NXPE2: variants seen among roughly 807,000 people sequenced by gnomAD.
The protein encoded by NXPE2 is NXPE family member 2.
NXPE2 carries 34 observed loss-of-function variants against 34.4 expected under a neutral mutation model. The ratio of observed to expected loss-of-function variants is 0.99; its 90% confidence interval spans 0.75 to 1.31. NXPE2 has a LOEUF of 1.31. Ranked by LOEUF, NXPE2 falls within the 40% of genes most tolerant of loss-of-function variation. The probability of loss-of-function intolerance (pLI) is 0.00; values close to 1 mark genes in which losing one functional copy is unlikely to be tolerated. For missense variants in NXPE2, 649 were observed against 672.5 expected, an observed-to-expected ratio of 0.97 and a Z score of 0.39; for synonymous variants, 235 against 231.3, an observed-to-expected ratio of 1.02 and a Z score of -0.15.
the NXPE2 span, among the ~76,000 whole-genome samples, chr11:114,790,455 GCT>G: frequency 3.3e-5 from 5 of 152,206 alleles, no homozygotes; most frequent in Non-Finnish European, 5.9e-5. Context: ...TACACACCTT[GCT>G]GAAGATTACA....
the NXPE2 span, among the ~76,000 whole-genome samples, chr11:114,490,680 A>C: frequency 2.0e-5 from 3 of 152,212 alleles, no homozygotes; most frequent in African/African-American, 7.2e-5. Context: ...TGCCTTCCTT[A>C]CACCTTATAC....
chr11:114,657,373 A>G, the NXPE2 span, among the ~76,000 whole-genome samples: 1 of 152,314 alleles, frequency 6.6e-6, no homozygotes, highest in South Asian at 2.1e-4. Context: ...ACTAACATCT[A>G]ACTGAAGTTC....
At chr11:114,566,978 T>C in the NXPE2 span, among the ~76,000 whole-genome samples, 45 of 152,300 alleles carry the variant, frequency 3.0e-4, no homozygotes, top group East Asian at 6.9e-3. Flanking sequence ...AGCACCATCC[T>C]GTATAGTGAG....
At chr11:114,798,910 A>T in the NXPE2 span, among the ~76,000 whole-genome samples, 1 of 152,026 alleles carries the variant, frequency 6.6e-6, no homozygotes, top group Non-Finnish European at 1.5e-5. Context: ...CCTCCCTCAA[A>T]GGTGGAGAGC....
chr11:114,612,668 A>G, the NXPE2 span, among the ~76,000 whole-genome samples: 1 of 151,784 alleles, frequency 6.6e-6, no homozygotes. Context: ...CCAGTGGATA[A>G]TACGTGTTGT....
the NXPE2 span, among the ~76,000 whole-genome samples, chr11:114,778,499 G>A: frequency 6.6e-6 from 1 of 152,184 alleles, no homozygotes; most frequent in South Asian, 2.1e-4. Flanking sequence ...GACCAGTGAG[G>A]AGCTTATTTG....
the NXPE2 span, among the ~76,000 whole-genome samples, chr11:114,538,489 G>C: frequency 6.6e-6 from 1 of 152,086 alleles, no homozygotes; most frequent in African/African-American, 2.4e-5. Context: ...AGAGTGAACA[G>C]GCAACCTACA....
chr11:114,717,463 T>A, the NXPE2 span, among the ~76,000 whole-genome samples: 7 of 152,180 alleles, frequency 4.6e-5, no homozygotes, highest in African/African-American at 1.7e-4. Flanking sequence ...CATAGCCAGA[T>A]CCCAAATGTT....
At chr11:114,744,906 T>C in the NXPE2 span, among the ~76,000 whole-genome samples, 2 of 152,236 alleles carry the variant, frequency 1.3e-5, no homozygotes, top group Non-Finnish European at 2.9e-5. Context: ...CTGTTCATTT[T>C]GTGTATAAAA....
the NXPE2 span, among the ~76,000 whole-genome samples, chr11:114,636,532 C>T: frequency 1.3e-5 from 2 of 150,170 alleles, no homozygotes; most frequent in Non-Finnish European, 3.0e-5. Flanking sequence ...TCTTGCTTTT[C>T]TAGTTCTTTT....
chr11:114,527,943 C>T, the NXPE2 span: 1 of 1,459,290 alleles, frequency 6.9e-7, no homozygotes, highest in Non-Finnish European at 9.5e-7. Context: ...CTGCTCTCTG[C>T]CCATGTAACA....
chr11:114,510,806 T>C, the NXPE2 span, among the ~76,000 whole-genome samples: 1 of 152,236 alleles, frequency 6.6e-6, no homozygotes, highest in East Asian at 1.9e-4. Context: ...AAATTAAAGA[T>C]AAATACACAG....
the NXPE2 span, among the ~76,000 whole-genome samples, chr11:114,621,905 A>G: frequency 6.6e-6 from 1 of 151,616 alleles, no homozygotes; most frequent in Non-Finnish European, 1.5e-5. Context: ...GTGGGTAACC[A>G]GTTACCTGGT....
chr11:114,717,033 G>A, the NXPE2 span, among the ~76,000 whole-genome samples: 1 of 152,106 alleles, frequency 6.6e-6, no homozygotes, highest in East Asian at 1.9e-4. Context: ...ATAAAACAAA[G>A]ATTAATATGT....
At chr11:114,655,846 T>C in the NXPE2 span, among the ~76,000 whole-genome samples, 43,390 of 152,062 alleles carry the variant, frequency 0.29, 6,549 homozygotes, top group East Asian at 0.41. Context: ...CAATACTGAA[T>C]GGGCAAAAGC....
At chr11:114,737,740 A>G in the NXPE2 span, among the ~76,000 whole-genome samples, 2 of 152,162 alleles carry the variant, frequency 1.3e-5, no homozygotes, top group Non-Finnish European at 2.9e-5. Context: ...GAGAAACAAA[A>G]TAGTCAGAAG....
chr11:114,618,011 C>T, the NXPE2 span, among the ~76,000 whole-genome samples: 7 of 151,566 alleles, frequency 4.6e-5, no homozygotes, highest in East Asian at 5.9e-4. Context: ...CAGTGTTACC[C>T]GCTGGATAAT....
chr11:114,574,563 T>C, the NXPE2 span, among the ~76,000 whole-genome samples: 2 of 152,112 alleles, frequency 1.3e-5, no homozygotes, highest in African/African-American at 4.8e-5. Context: ...TCAAGGCTAC[T>C]GTGAACACCT....
At chr11:114,629,413 C>G in the NXPE2 span, among the ~76,000 whole-genome samples, 1 of 151,788 alleles carries the variant, frequency 6.6e-6, no homozygotes, top group Non-Finnish European at 1.5e-5. Flanking sequence ...GAACCAAAGA[C>G]AAAAACCACA....
Sources: gnomAD v4.1 joint callset for allele counts (sites outside exome capture counted in the v4.1 genomes callset) on GRCh38, gnomAD v4.1.1 for gene constraint, MANE v1.5 for transcripts, NCBI Gene and HGNC (gene_info 2026-07-23, HGNC 2026-07-21) for gene names.